BTC: variants seen among roughly 807,000 people sequenced by gnomAD.
BTC encodes the protein probetacellulin.
A neutral mutation model predicts 18.1 loss-of-function variants in BTC; 13 were observed. That is an observed-to-expected ratio of 0.72 (90% CI 0.47 to 1.14). The LOEUF (loss-of-function observed/expected upper bound fraction) is 1.14, where lower values mean the gene tolerates loss of function less well. BTC is among the 50% of genes most tolerant of loss of function. BTC has a pLI of 0.00. For missense variants in BTC, 247 were observed against 224.2 expected, an observed-to-expected ratio of 1.10 and a Z score of -0.65; for synonymous variants, 83 against 79.4, an observed-to-expected ratio of 1.05 and a Z score of -0.24.
chr4:74,789,041 C>T lies in BTC; in HGVS notation c.64+5221G>A, dbSNP rs147331711. On this transcript the variant is annotated intron_variant, in intron 1 of 5. Transcript: ENST00000395743. Reference sequence around the variant, plus strand: ...TTCACATCAAGATCTCTGTGATACACTCTGAGAAGCTACTGACCTAGAAGG... The same window carrying T: ...TTCACATCAAGATCTCTGTGATACATTCTGAGAAGCTACTGACCTAGAAGG... Among the ~76,000 whole-genome samples the T allele has an allele frequency of 3.9e-4, 60 of 152,326 alleles. 1 individual carries two copies. In the East Asian group the frequency reaches 0.01, roughly 26 times the overall value.
intron 1 of BTC, among the ~76,000 whole-genome samples, chr4:74,778,542 C>T (rs921259590): frequency 6.6e-6 from 1 of 152,082 alleles, no homozygotes; most frequent in Non-Finnish European, 1.5e-5. Context: ...TTTGCTCAGA[C>T]AGCATGTTTA....
chr4:74,794,403 C>T lies in BTC; in HGVS notation c.-78G>A. On this transcript the variant is annotated 5_prime_UTR_variant, in exon 1 of 6. Transcript: ENST00000395743. ...CGCCCCCTTCCCGGGCCTCGGGCGCCTGAGAGGGTGCCTGGAAACTAATCC... is the reference window on the plus strand; with the variant it reads ...CGCCCCCTTCCCGGGCCTCGGGCGCTTGAGAGGGTGCCTGGAAACTAATCC... 1 of 1,401,444 alleles carries T rather than the reference C, an allele frequency of 7.1e-7. No homozygotes were observed. Among genetic ancestry groups the T allele is most frequent in the East Asian group, 2.8e-5 (1 of 36,232 alleles). 86.8% of individuals were successfully genotyped at this position (1,401,444 alleles called of 1,614,324 possible). A position where few individuals can be genotyped will look rare whatever the true frequency, so the allele number is the denominator to read the frequency against.
intron 2 of BTC, 31 bp from the exon 3 acceptor site, chr4:74,756,007 A>G (rs11734944): frequency 0.42 from 629,953 of 1,501,966 alleles, 135,436 homozygotes; most frequent in East Asian, 0.62. Flanking sequence ...CAATAAATCA[A>G]CTCTCTTTAA....
intron 1 of BTC, among the ~76,000 whole-genome samples, chr4:74,777,560 T>C (rs1466238974): frequency 6.6e-6 from 1 of 152,210 alleles, no homozygotes; most frequent in South Asian, 2.1e-4. Flanking sequence ...TTTTTGTATG[T>C]ACTTAATGAG....
chr4:74,780,063 AG>A, intron 1 of BTC, among the ~76,000 whole-genome samples: 1 of 152,208 alleles, frequency 6.6e-6, no homozygotes, highest in East Asian at 1.9e-4. Flanking sequence ...GGAGACAATG[AG>A]TAAAGCTGTT....
chr4:74,759,363 T>C (rs1724688945), intron 2 of BTC, among the ~76,000 whole-genome samples: 1 of 152,156 alleles, frequency 6.6e-6, no homozygotes, highest in Non-Finnish European at 1.5e-5. Context: ...CACAATCGAT[T>C]TTTTTCCTCC....
chr4:74,782,156 T>C (rs112897605), intron 1 of BTC, among the ~76,000 whole-genome samples: 20,107 of 152,010 alleles, frequency 0.13, 1,816 homozygotes, highest in African/African-American at 0.25. Context: ...GATATGCAGG[T>C]TTGTTACACA....
chr4:74,764,815 A>AAT (rs1724853660), intron 2 of BTC, among the ~76,000 whole-genome samples: 1 of 152,108 alleles, frequency 6.6e-6, no homozygotes, highest in Admixed American at 6.6e-5. Flanking sequence ...GCTGCTAATA[A>AAT]ATATATACCC....
intron 2 of BTC, among the ~76,000 whole-genome samples, chr4:74,768,199 C>T (rs963412631): frequency 2.0e-5 from 3 of 152,074 alleles, no homozygotes; most frequent in Admixed American, 1.3e-4. Flanking sequence ...CTATACAAAA[C>T]ATATTGATTA....
chr4:74,755,478 A>G (rs1262120756), intron 3 of BTC, among the ~76,000 whole-genome samples: 2 of 152,240 alleles, frequency 1.3e-5, no homozygotes, highest in African/African-American at 4.8e-5. Context: ...AGTAGCTCTT[A>G]ATTTGGCAGG....
At chr4:74,788,280 A>C (rs1725533523) in intron 1 of BTC, among the ~76,000 whole-genome samples, 2 of 152,160 alleles carry the variant, frequency 1.3e-5, no homozygotes, top group Non-Finnish European at 2.9e-5. Flanking sequence ...GTGCTACACA[A>C]AAAAAATGGT....
chr4:74,786,297 G>A (rs979036589), intron 1 of BTC, among the ~76,000 whole-genome samples: 1 of 152,152 alleles, frequency 6.6e-6, no homozygotes, highest in Non-Finnish European at 1.5e-5. Flanking sequence ...AGTGGTTCTC[G>A]CCTATTCTAG....
intron 1 of BTC, among the ~76,000 whole-genome samples, chr4:74,786,687 A>C (rs1725485917): frequency 1.3e-5 from 2 of 152,208 alleles, no homozygotes; most frequent in Admixed American, 6.5e-5. Context: ...ACCACTGGAG[A>C]GTGTCCTGAG....
intron 1 of BTC, among the ~76,000 whole-genome samples, chr4:74,776,115 T>C (rs578131559): frequency 9.1e-4 from 138 of 152,288 alleles, no homozygotes; most frequent in African/African-American, 2.7e-3. Context: ...TTTATACTGC[T>C]GGAAAGCAAT....
intron 1 of BTC, among the ~76,000 whole-genome samples, chr4:74,790,986 A>G (rs999267971): frequency 6.6e-6 from 1 of 152,156 alleles, no homozygotes; most frequent in Non-Finnish European, 1.5e-5. Context: ...GGTTTCCAGT[A>G]TTGGTTTTTC....
At chr4:74,790,091 A>G (rs1339119616) in intron 1 of BTC, among the ~76,000 whole-genome samples, 1 of 152,208 alleles carries the variant, frequency 6.6e-6, no homozygotes, top group Non-Finnish European at 1.5e-5. Flanking sequence ...ATTTTTATCT[A>G]TTACCTATTT....
At chr4:74,765,862 G>C (rs1419487432) in intron 2 of BTC, among the ~76,000 whole-genome samples, 2 of 152,084 alleles carry the variant, frequency 1.3e-5, no homozygotes, top group Non-Finnish European at 2.9e-5. Context: ...GATATGTTTG[G>C]AGAAATGCAT....
At chr4:74,748,475 G>A (rs546393946) in intron 4 of BTC, among the ~76,000 whole-genome samples, 3 of 152,102 alleles carry the variant, frequency 2.0e-5, no homozygotes, top group South Asian at 2.1e-4. Flanking sequence ...GGCGGAGCTT[G>A]CAGTGAGCCG....
chr4:74,784,707 G>C (rs921263004), intron 1 of BTC, among the ~76,000 whole-genome samples: 1 of 152,148 alleles, frequency 6.6e-6, no homozygotes, highest in East Asian at 1.9e-4. Context: ...CTTTAGTTCT[G>C]TTTATATGAT....
Sources: gnomAD v4.1 joint callset for allele counts (sites outside exome capture counted in the v4.1 genomes callset) on GRCh38, gnomAD v4.1.1 for gene constraint, MANE v1.5 for transcripts, NCBI Gene and HGNC (gene_info 2026-07-23, HGNC 2026-07-21) for gene names.